P2RY14: variants seen among roughly 807,000 people sequenced by gnomAD.
P2RY14 encodes the protein purinergic receptor P2Y14.
P2RY14 carries 2 observed loss-of-function variants against 0.9 expected under a neutral mutation model. The ratio of observed to expected loss-of-function variants is 2.16; its 90% CI spans 0.88 to 6.79. The LOEUF is 6.79. P2RY14 is among the 30% of genes most tolerant of loss of function. The probability of loss-of-function intolerance (pLI) is 0.05; values close to 1 mark genes in which losing one functional copy is unlikely to be tolerated. For synonymous variants in P2RY14, 158 were observed against 147.2 expected (o/e 1.07, Z -0.53); for missense variants, 378 against 400.1 (o/e 0.94, Z 0.47).
At chr3:151,226,515 T>C (rs578214868) in intron 1 of P2RY14, among the ~76,000 whole-genome samples, 22 of 152,206 alleles carry the variant, frequency 1.4e-4, no homozygotes, top group Non-Finnish European at 2.4e-4. Flanking sequence ...CCCCTGCTCC[T>C]GAAAGAATGT....
chr3:151,250,177 C>T (rs539677139), intron 1 of P2RY14, among the ~76,000 whole-genome samples: 2 of 152,302 alleles, frequency 1.3e-5, no homozygotes, highest in African/African-American at 4.8e-5. Flanking sequence ...GTCCTCAGCA[C>T]TTATCTAGAA....
At chr3:151,214,468 G>A (rs758918881) in intron 2 of P2RY14, 128 bp from the exon 3 acceptor site, 2 of 602,438 alleles carry the variant, frequency 3.3e-6, no homozygotes, top group African/African-American at 1.9e-5. Flanking sequence ...TTTTTACTCT[G>A]TGTAAGTTAG....
Position 151,213,113 on chromosome 3 carries a change from T to G in P2RY14, c.*187A>C, listed in dbSNP as rs1727454020. 2.1e-6 allele frequency: 1 copy of G among 480,306 alleles called. No individual in the cohort carries two copies. Among genetic ancestry groups the G allele is most frequent in the Non-Finnish European group, 3.6e-6 (1 of 275,092 alleles). 29.8% of individuals were successfully genotyped at this position (480,306 alleles called of 1,614,324 possible). The stretch of plus-strand genomic sequence containing the variant: ...GAAAGGTCAGTATTAGAGAAATTAC[T>G]GATGGGTATGTTTTCTTTGATGTTA... On this transcript the variant is annotated 3_prime_UTR_variant, in exon 3 of 3. Coordinates refer to ENST00000309170, the MANE Select transcript of P2RY14 (RefSeq NM_014879.4).
At chr3:151,233,755 C>G (rs1732187253) in intron 1 of P2RY14, among the ~76,000 whole-genome samples, 1 of 152,118 alleles carries the variant, frequency 6.6e-6, no homozygotes, top group Non-Finnish European at 1.5e-5. Context: ...AACAAAAACA[C>G]AGCACCGACT....
intron 1 of P2RY14, among the ~76,000 whole-genome samples, chr3:151,243,129 T>C (rs1049295124): frequency 2.6e-5 from 4 of 151,920 alleles, no homozygotes; most frequent in African/African-American, 9.7e-5. Context: ...AAAGACCAAA[T>C]CTATGTCTGC....
chr3:151,278,120 ATATACCAAT>A (rs893397271), intron 1 of P2RY14, among the ~76,000 whole-genome samples, 158 bp downstream of exon 1: 27 of 152,212 alleles, frequency 1.8e-4, no homozygotes, highest in African/African-American at 6.5e-4. Context: ...AAATATATTA[ATATACCAAT>A]TATAGTTGTC....
intron 1 of P2RY14, among the ~76,000 whole-genome samples, chr3:151,273,776 T>C (rs1741407282): frequency 6.6e-6 from 1 of 152,220 alleles, no homozygotes. Context: ...GGTTGTCTTC[T>C]TTAGAACAAG....
chr3:151,266,633 A>G (rs2149525203), intron 1 of P2RY14, among the ~76,000 whole-genome samples: 1 of 152,282 alleles, frequency 6.6e-6, no homozygotes, highest in Middle Eastern at 3.4e-3. Flanking sequence ...GAAGATTTTA[A>G]GTAAATGAAG....
At chr3:151,263,497 T>A (rs548804072) in intron 1 of P2RY14, among the ~76,000 whole-genome samples, 1 of 152,362 alleles carries the variant, frequency 6.6e-6, no homozygotes, top group South Asian at 2.1e-4. Flanking sequence ...TTCTTTGATT[T>A]TGAGTTTAAT....
chr3:151,245,549 G>T (rs1340766056), intron 1 of P2RY14, among the ~76,000 whole-genome samples: 5 of 148,996 alleles, frequency 3.4e-5, no homozygotes, highest in African/African-American at 1.2e-4. Context: ...TGCAGAAAAG[G>T]CCTTTGACAA....
chr3:151,213,133 A>C lies in P2RY14; in HGVS notation c.*167T>G. The C allele has an allele frequency of 5.5e-6, 3 of 541,006 alleles. No homozygotes were observed. The highest frequency in any genetic ancestry group is 9.6e-6 in the Non-Finnish European group (3 of 313,152). The allele number at this position is 541,006 out of a possible 1,614,324, so 33.5% of individuals were successfully genotyped here. On this transcript the variant is annotated 3_prime_UTR_variant, in exon 3 of 3. Coordinates refer to ENST00000309170, the MANE Select transcript of P2RY14 (RefSeq NM_014879.4). ...ATTACTGATGGGTATGTTTTCTTTG[A>C]TGTTACAAAAAAGCATGGAAACTTA...
chr3:151,251,530 A>G (rs959343428), intron 1 of P2RY14, among the ~76,000 whole-genome samples: 7 of 152,154 alleles, frequency 4.6e-5, no homozygotes, highest in African/African-American at 1.7e-4. Context: ...CTAAAATACA[A>G]GCAGCACTGT....
intron 1 of P2RY14, among the ~76,000 whole-genome samples, chr3:151,236,056 C>T (rs1461227245): frequency 6.6e-6 from 1 of 152,118 alleles, no homozygotes; most frequent in Non-Finnish European, 1.5e-5. Context: ...CTCCTCTCCC[C>T]CTATTCTTAC....
Position 151,274,889 on chromosome 3 carries a change from A to C in P2RY14, c.-133+3398T>G, listed in dbSNP as rs111903319. The stretch of plus-strand genomic sequence containing the variant: ...GAATGTTGGCTGCCTCATTGTAAGG[A>C]ATCAGTGTTGAATGAATAAATGGCC... On this transcript the variant is annotated intron_variant, in intron 1 of 2. Coordinates refer to ENST00000309170, the MANE Select transcript of P2RY14 (RefSeq NM_014879.4). 6.5e-3 allele frequency among the ~76,000 whole-genome samples: 986 copies of C among 152,308 alleles called. 8 individuals carry two copies. Among genetic ancestry groups the C allele is most frequent in the South Asian group, 0.013 (61 of 4,824 alleles).
chr3:151,253,989 A>G (rs1267553414), intron 1 of P2RY14, among the ~76,000 whole-genome samples: 2 of 120,262 alleles, frequency 1.7e-5, no homozygotes, highest in Non-Finnish European at 3.5e-5. Context: ...TTTTGTTTTG[A>G]TTTTTTCTTG....
intron 1 of P2RY14, among the ~76,000 whole-genome samples, chr3:151,237,521 T>G (rs903009072): frequency 6.6e-6 from 1 of 151,490 alleles, no homozygotes; most frequent in Non-Finnish European, 1.5e-5. Flanking sequence ...GGCTAATTTT[T>G]TGTATTTTTA....
chr3:151,236,524 TA>T (rs1468153383), intron 1 of P2RY14, among the ~76,000 whole-genome samples: 1 of 152,212 alleles, frequency 6.6e-6, no homozygotes, highest in Non-Finnish European at 1.5e-5. Flanking sequence ...ACCTTGACAG[TA>T]AGCAGCTGCT....
intron 1 of P2RY14, among the ~76,000 whole-genome samples, chr3:151,224,839 C>A (rs1407152962): frequency 2.0e-5 from 3 of 152,174 alleles, no homozygotes; most frequent in Admixed American, 6.5e-5. Flanking sequence ...TTATTGAAAT[C>A]TGCTGTTTAT....
chr3:151,265,186 G>A (rs1169770746), intron 1 of P2RY14, among the ~76,000 whole-genome samples: 3 of 152,302 alleles, frequency 2.0e-5, no homozygotes, highest in African/African-American at 7.2e-5. Context: ...AGTTAATAAT[G>A]GTTGAGCCAA....
Sources: allele counts gnomAD v4.1 joint callset (sites outside exome capture counted in the v4.1 genomes callset), GRCh38; gene constraint gnomAD v4.1.1; transcripts MANE v1.5; gene names NCBI Gene and HGNC (gene_info 2026-07-23, HGNC 2026-07-21).